Variants in DLG2 observed in about 807,000 individuals in gnomAD.
DLG2 encodes discs large MAGUK scaffold protein 2.
Under a neutral mutation model 132.5 loss-of-function variants are expected in DLG2, and 45 were observed. The ratio of observed to expected loss-of-function variants is 0.34; its 90% CI spans 0.27 to 0.44. DLG2 has a LOEUF of 0.44. Ranked by LOEUF, DLG2 falls within the 20% of genes least tolerant of loss-of-function variation. DLG2 has a pLI of 1.00. For missense variants in DLG2, 1,045 were observed against 1,196.9 expected (o/e 0.87, Z 1.87); for synonymous variants, 424 against 419.6 (o/e 1.01, Z -0.13).
chr11:84,007,914 A>G (rs910801590), intron 11 of DLG2, among the ~76,000 whole-genome samples: 27 of 151,818 alleles, frequency 1.8e-4, no homozygotes, highest in Non-Finnish European at 3.4e-4. Flanking sequence ...TATAAGTTCC[A>G]GTATTGAAAG....
At chr11:84,943,482 T>C (rs1181371735) in intron 6 of DLG2, among the ~76,000 whole-genome samples, 3 of 152,066 alleles carry the variant, frequency 2.0e-5, no homozygotes, top group East Asian at 1.9e-4. Flanking sequence ...CTTTCTTTTA[T>C]ATTTTGTGTA....
intron 18 of DLG2, among the ~76,000 whole-genome samples, chr11:83,656,235 G>A (rs528008496): frequency 7.2e-5 from 11 of 152,206 alleles, no homozygotes; most frequent in South Asian, 4.2e-4. Flanking sequence ...ATGAAACATC[G>A]CTTTTCAAAA....
intron 3 of DLG2, among the ~76,000 whole-genome samples, chr11:85,533,315 C>T (rs1229092387): frequency 1.3e-5 from 2 of 152,032 alleles, no homozygotes; most frequent in East Asian, 1.9e-4. Context: ...TGAGCCACCA[C>T]ACCCAGCCTC....
intron 6 of DLG2, among the ~76,000 whole-genome samples, chr11:84,704,148 G>A (rs958292334): frequency 2.6e-5 from 4 of 151,124 alleles, no homozygotes; most frequent in Admixed American, 2.0e-4. Context: ...GGAAGTTTAA[G>A]TATCTTTCCC....
At chr11:83,860,759 T>C (rs1595570292) in intron 16 of DLG2, among the ~76,000 whole-genome samples, 1 of 152,312 alleles carries the variant, frequency 6.6e-6, no homozygotes, top group Middle Eastern at 3.4e-3. Flanking sequence ...GGCTTCACTG[T>C]GTCCCCACCT....
At chr11:84,563,828 T>A (rs573698658) in intron 6 of DLG2, among the ~76,000 whole-genome samples, 1 of 152,260 alleles carries the variant, frequency 6.6e-6, no homozygotes, top group East Asian at 1.9e-4. Flanking sequence ...TGTGACCTCC[T>A]CTGGTAGACA....
intron 10 of DLG2, among the ~76,000 whole-genome samples, chr11:84,061,042 C>A (rs2096583628): frequency 6.6e-6 from 1 of 152,206 alleles, no homozygotes; most frequent in Admixed American, 6.5e-5. Flanking sequence ...ACTCAACTTG[C>A]ATTCCCCACT....
intron 16 of DLG2, among the ~76,000 whole-genome samples, chr11:83,843,070 C>T (rs747510300): frequency 5.3e-5 from 8 of 152,266 alleles, no homozygotes; most frequent in Non-Finnish European, 8.8e-5. Context: ...GATCTGTGTA[C>T]CTTTTAGGAT....
rs148197793 is a variant in DLG2 at position 84,943,153 on chromosome 11, CGT to C, written c.357+168506_357+168507del. On this transcript the variant is annotated intron_variant, in intron 6 of 27. Transcript: ENST00000376104. ...TCCTGTAGGCCACAGATTTTTGGGT[CGT>C]GTGTGTGTGTGCGTGTGTGTGTGTG... 3.8e-4 allele frequency among the ~76,000 whole-genome samples: 52 copies of C among 136,458 alleles called. 2 individuals carry two copies. The South Asian group carries it at 6.5e-3, about 17-fold the overall frequency. 89.5% of individuals were successfully genotyped at this position (136,458 alleles called of 152,430 possible). A position where few individuals can be genotyped will look rare whatever the true frequency, so the allele number is the denominator to read the frequency against.
At chr11:85,113,514 T>G (rs959825708) in intron 5 of DLG2, among the ~76,000 whole-genome samples, 1 of 152,012 alleles carries the variant, frequency 6.6e-6, no homozygotes, top group Non-Finnish European at 1.5e-5. Flanking sequence ...CTAAGAAAAT[T>G]AACAATGATT....
chr11:85,285,273 C>T lies in DLG2; in HGVS notation c.133G>A (p.Glu45Lys), dbSNP rs373336609. The T allele has an allele frequency of 8.4e-5, 136 of 1,612,012 alleles. 2 individuals are homozygous for T. The Middle Eastern group carries it at 6.0e-3, about 71-fold the overall frequency. The part of the protein sequence containing the change: ...EEANQVLQKW[E>K]KTSLLAPCHD... ...CACGGAGCAAGAAGGGATGTCTTCT[C>T]CCATTTCTGTAAAACTTGATTGGCT... Residue 45 changes from glutamate to lysine, a missense_variant, in exon 4 of 28, where the codon GAG (glutamate) becomes AAG (lysine). By Grantham distance (56) the Glu-to-Lys change is moderately conservative. Around this residue, in one of 4 missense-constraint regions of DLG2, gnomAD observed 277 missense variants for 238.2 expected, o/e 1.16. Transcript: ENST00000376104.
At chr11:84,571,298 A>C (rs2099483630) in intron 6 of DLG2, among the ~76,000 whole-genome samples, 1 of 139,522 alleles carries the variant, frequency 7.2e-6, no homozygotes, top group African/African-American at 2.7e-5. Context: ...CTTCATTTCC[A>C]TCTCTTTCTC....
At chr11:83,891,531 C>G (rs193108397) in intron 15 of DLG2, among the ~76,000 whole-genome samples, 1 of 152,214 alleles carries the variant, frequency 6.6e-6, no homozygotes, top group African/African-American at 2.4e-5. Flanking sequence ...CTTTCATGAT[C>G]CTCAGGTTTA....
At chr11:83,946,600 A>G (rs1179218165) in intron 14 of DLG2, among the ~76,000 whole-genome samples, 1 of 152,222 alleles carries the variant, frequency 6.6e-6, no homozygotes, top group African/African-American at 2.4e-5. Flanking sequence ...ACTATAGAAT[A>G]CAAATTATTG....
chr11:85,154,505 CA>C (rs1376564834), intron 5 of DLG2, 50 bp downstream of exon 5: 1 of 904,502 alleles, frequency 1.1e-6, no homozygotes, highest in Non-Finnish European at 1.7e-6. Context: ...AAGAACAAGA[CA>C]AGTCTTACCC....
At chr11:84,341,489 T>A (rs2098514393) in intron 7 of DLG2, among the ~76,000 whole-genome samples, 1 of 152,170 alleles carries the variant, frequency 6.6e-6, no homozygotes, top group Non-Finnish European at 1.5e-5. Context: ...TGAGAATCTG[T>A]TTAAAAACAT....
At chr11:84,644,947 C>T (rs1048345012) in intron 6 of DLG2, among the ~76,000 whole-genome samples, 1 of 152,118 alleles carries the variant, frequency 6.6e-6, no homozygotes, top group Non-Finnish European at 1.5e-5. Context: ...TAAAGAAACA[C>T]ATATCTCTCA....
chr11:83,939,955 C>T (rs186249348), intron 14 of DLG2, among the ~76,000 whole-genome samples: 2 of 152,254 alleles, frequency 1.3e-5, no homozygotes, highest in Admixed American at 6.5e-5. Context: ...TGGCTTTAAT[C>T]GAATCACTTA....
At chr11:83,725,178 C>T in intron 18 of DLG2, 1 of 390,416 alleles carries the variant, frequency 2.6e-6, no homozygotes, top group Non-Finnish European at 4.7e-6. Context: ...ACCTCTTTTT[C>T]TTTCTCTTCT....
Sources: allele counts gnomAD v4.1 joint callset (sites outside exome capture counted in the v4.1 genomes callset), GRCh38; gene constraint gnomAD v4.1.1; regional missense constraint gnomAD v4.1.1; transcripts MANE v1.5; gene names NCBI Gene and HGNC (gene_info 2026-07-23, HGNC 2026-07-21).